ZRANB3: variants seen among roughly 807,000 people sequenced by gnomAD.
ZRANB3 encodes zinc finger RANBP2-type containing 3, also known as DNA annealing helicase and endonuclease ZRANB3.
A neutral mutation model predicts 133.8 loss-of-function variants in ZRANB3; 125 were observed. That is an observed-to-expected ratio of 0.93 (90% confidence interval 0.81 to 1.08). The LOEUF (loss-of-function observed/expected upper bound fraction) is 1.08, where lower values mean the gene tolerates loss of function less well. ZRANB3 is among the 50% of genes least tolerant of loss of function. The pLI is 0.00. For missense variants in ZRANB3, 1,229 were observed against 1,275.5 expected, an observed-to-expected ratio of 0.96 and a Z score of 0.56; for synonymous variants, 387 against 432.7, an observed-to-expected ratio of 0.89 and a Z score of 1.31.
At chr2:135,450,519 T>C (rs1329825971) in intron 2 of ZRANB3, among the ~76,000 whole-genome samples, 1 of 152,024 alleles carries the variant, frequency 6.6e-6, no homozygotes, top group Non-Finnish European at 1.5e-5. Context: ...ACTGAAGCAA[T>C]TGAGCTTCAG....
chr2:135,228,516 C>A (rs544772024), intron 13 of ZRANB3, among the ~76,000 whole-genome samples: 13 of 152,134 alleles, frequency 8.5e-5, no homozygotes, highest in African/African-American at 2.9e-4. Context: ...AATAAAGGAT[C>A]ACTTTGGCTG....
chr2:135,270,531 T>A (rs535188410), intron 10 of ZRANB3, among the ~76,000 whole-genome samples: 1 of 152,190 alleles, frequency 6.6e-6, no homozygotes, highest in Middle Eastern at 3.2e-3. Context: ...TTTCTCCTAC[T>A]TAGCACCTCC....
intron 2 of ZRANB3, among the ~76,000 whole-genome samples, chr2:135,433,680 C>T (rs1329666073): frequency 2.0e-5 from 3 of 151,950 alleles, no homozygotes; most frequent in Non-Finnish European, 4.4e-5. Context: ...GGCAAAACCC[C>T]GTCTCTACTA....
At chr2:135,529,509 G>C (rs1694314275) in intron 1 of ZRANB3, among the ~76,000 whole-genome samples, 1 of 151,660 alleles carries the variant, frequency 6.6e-6, no homozygotes, top group Admixed American at 6.6e-5. Flanking sequence ...TTTTGTTTTT[G>C]TTTTTGTTTT....
In ZRANB3 at chr2:135,432,998, G is replaced by T. The variant is rs899782906; in HGVS notation, c.162-42178C>A. On this transcript the variant is annotated intron_variant, in intron 2 of 20. Coordinates refer to ENST00000264159, the MANE Select transcript of ZRANB3 (RefSeq NM_032143.4). ...GTGCTTATTTTTCCCCTGCTCCATG[G>T]AGAAGTCATCAGTTTACAGCTGGGG... Among the ~76,000 whole-genome samples, 142 of 152,304 alleles carry T rather than the reference G, an allele frequency of 9.3e-4. 1 individual carries two copies. Among genetic ancestry groups the T allele is most frequent in the African/African-American group, 3.2e-3 (134 of 41,574 alleles).
chr2:135,221,697 A>G (rs1041393801), intron 15 of ZRANB3, among the ~76,000 whole-genome samples: 2 of 152,204 alleles, frequency 1.3e-5, no homozygotes, highest in African/African-American at 4.8e-5. Flanking sequence ...ATCCCCCAAC[A>G]TGGGGCATGA....
intron 2 of ZRANB3, among the ~76,000 whole-genome samples, chr2:135,438,463 C>T (rs1689641617): frequency 6.7e-6 from 1 of 149,996 alleles, no homozygotes; most frequent in African/African-American, 2.5e-5. Context: ...CAAGTTTGCA[C>T]CATTGCACTC....
At chr2:135,498,708 C>G (rs1030443168) in intron 2 of ZRANB3, among the ~76,000 whole-genome samples, 1 of 152,072 alleles carries the variant, frequency 6.6e-6, no homozygotes, top group Non-Finnish European at 1.5e-5. Context: ...AAGGAACATC[C>G]CTGAGAAAGA....
At chr2:135,472,027 TG>T (rs1691292057) in intron 2 of ZRANB3, among the ~76,000 whole-genome samples, 1 of 152,150 alleles carries the variant, frequency 6.6e-6, no homozygotes, top group Admixed American at 6.5e-5. Context: ...AGCAAATAAA[TG>T]TAAGAATGAA....
At chr2:135,461,445 C>T (rs1255499980) in intron 2 of ZRANB3, among the ~76,000 whole-genome samples, 3 of 152,126 alleles carry the variant, frequency 2.0e-5, no homozygotes, top group African/African-American at 7.2e-5. Flanking sequence ...GCGATGCATG[C>T]CTGTAATCCT....
chr2:135,286,210 A>C (rs747496006), intron 8 of ZRANB3, among the ~76,000 whole-genome samples: 1 of 151,184 alleles, frequency 6.6e-6, no homozygotes, highest in Non-Finnish European at 1.5e-5. Context: ...GTAGTCTTTT[A>C]TCCCTTACAC....
chr2:135,471,499 T>C (rs555185619), intron 2 of ZRANB3, among the ~76,000 whole-genome samples: 1 of 152,286 alleles, frequency 6.6e-6, no homozygotes, highest in East Asian at 1.9e-4. Flanking sequence ...TTTCAGAGTT[T>C]TGGGGAGATG....
At chr2:135,506,704 T>C (rs1290292564) in intron 1 of ZRANB3, among the ~76,000 whole-genome samples, 1 of 152,224 alleles carries the variant, frequency 6.6e-6, no homozygotes, top group East Asian at 1.9e-4. Context: ...CACTTAAAGT[T>C]CTATTGGACA....
chr2:135,362,541 A>T (rs866327789), intron 3 of ZRANB3, among the ~76,000 whole-genome samples: 3 of 152,252 alleles, frequency 2.0e-5, no homozygotes, highest in African/African-American at 7.2e-5. Flanking sequence ...GAACTTAAGT[A>T]GAGTTGTAGT....
intron 3 of ZRANB3, among the ~76,000 whole-genome samples, chr2:135,382,916 G>T (rs1686786044): frequency 6.6e-6 from 1 of 152,180 alleles, no homozygotes; most frequent in Admixed American, 6.5e-5. Context: ...TCGAGGCTAG[G>T]AAGAAAGTGC....
At chr2:135,342,657 C>T (rs561703882) in intron 6 of ZRANB3, among the ~76,000 whole-genome samples, 1 of 148,818 alleles carries the variant, frequency 6.7e-6, no homozygotes, top group East Asian at 1.9e-4. Flanking sequence ...CAAAATTAGC[C>T]TCATATCCTC....
chr2:135,223,981 T>G (rs1169821540), intron 15 of ZRANB3, among the ~76,000 whole-genome samples: 3 of 152,248 alleles, frequency 2.0e-5, no homozygotes, highest in Non-Finnish European at 2.9e-5. Context: ...TTGTTTTATC[T>G]TTATAACAAA....
chr2:135,450,847 G>T (rs958669654), intron 2 of ZRANB3, among the ~76,000 whole-genome samples: 1 of 152,136 alleles, frequency 6.6e-6, no homozygotes, highest in African/African-American at 2.4e-5. Flanking sequence ...CATCTGGGAA[G>T]GCCAAGACAA....
chr2:135,274,216 G>T (rs1271017374), intron 9 of ZRANB3, among the ~76,000 whole-genome samples: 27 of 152,148 alleles, frequency 1.8e-4, no homozygotes, highest in Admixed American at 1.8e-3. Context: ...AGAAACAAAG[G>T]AAGATGTTGT....
Sources: gnomAD v4.1 joint callset for allele counts (sites outside exome capture counted in the v4.1 genomes callset) on GRCh38, gnomAD v4.1.1 for gene constraint, MANE v1.5 for transcripts, NCBI Gene and HGNC (gene_info 2026-07-23, HGNC 2026-07-21) for gene names.